PCDHGB7: variants seen among roughly 807,000 people sequenced by gnomAD.
PCDHGB7 encodes the protein protocadherin gamma-B7.
In PCDHGB7, 37 loss-of-function variants were observed where a neutral mutation model predicts 61.4. The observed-to-expected ratio is 0.60, with a 90% confidence interval of 0.46 to 0.79. PCDHGB7 has a LOEUF of 0.79. Among genes scored for constraint, PCDHGB7 ranks in the 30% least tolerant of loss-of-function variants. The pLI is 0.00. For missense variants in PCDHGB7, 1,166 were observed against 1,202.5 expected (o/e 0.97, Z 0.45); for synonymous variants, 464 against 503.5 (o/e 0.92, Z 1.05).
chr5:141,439,965 T>C (rs1212358198), intron 1 of PCDHGB7: 1 of 152,760 alleles, frequency 6.5e-6, no homozygotes, highest in Non-Finnish European at 1.5e-5. Flanking sequence ...CGTTATTCAG[T>C]CCTAGAGGAG....
intron 2 of PCDHGB7, among the ~76,000 whole-genome samples, 177 bp from the exon 3 acceptor site, chr5:141,505,216 T>C (rs547855353): frequency 1.1e-4 from 17 of 152,234 alleles, no homozygotes; most frequent in Non-Finnish European, 2.9e-5. Context: ...AGGGACTGAC[T>C]TGTGGGATTC....
rs756144117 is a variant in PCDHGB7, at chr5:141,485,181, G to A, written c.2416-9626G>A. On this transcript the variant is annotated intron_variant, in intron 1 of 3. Transcript: ENST00000398594. This position sits in a 1 kb window ranked among gnomAD's most constrained non-coding sequence, Gnocchi z 5.7. ...AATTAGCGGGCGGCAGCAATGCTCC[G>A]CAAGGTGAGAAGCTGGACAGAAATC... 3.1e-6 allele frequency: 5 copies of A among 1,612,942 alleles called. No individual in the cohort carries two copies. The South Asian group carries it at 4.4e-5, about 14-fold the overall frequency.
chr5:141,438,627 TATATATATACACACAC>T (rs1396288881), intron 1 of PCDHGB7, among the ~76,000 whole-genome samples: 69 of 48,002 alleles, frequency 1.4e-3, no homozygotes, highest in Admixed American at 2.8e-3. Flanking sequence ...TATATATATA[TATATATATACACACAC>T]ACACACACAT....
At chr5:141,422,420 C>A in intron 1 of PCDHGB7, 2 of 1,607,576 alleles carry the variant, frequency 1.2e-6, no homozygotes, top group Non-Finnish European at 1.7e-6. Context: ...TTAGAAAAGA[C>A]TTATGGAAAT....
At chr5:141,470,038 A>C (rs1256439782) in intron 1 of PCDHGB7, among the ~76,000 whole-genome samples, 1 of 152,204 alleles carries the variant, frequency 6.6e-6, no homozygotes, top group Non-Finnish European at 1.5e-5. Flanking sequence ...CTGAGGCGCG[A>C]GAACTGTTTG....
Position 141,491,401 on chromosome 5 carries a change from G to A in PCDHGB7, c.2416-3406G>A. The A allele has an allele frequency of 6.2e-7, 1 of 1,614,100 alleles. No homozygotes were observed. ...GTCAGCGAAGTGCCTTCAGGGAAAC[G>A]CAGACGGGGACGGGGGTGGAGGGCA... On this transcript the variant is annotated intron_variant, in intron 1 of 3. Transcript: ENST00000398594. This position sits in a 1 kb window ranked among gnomAD's most constrained non-coding sequence, Gnocchi z 6.9.
At chr5:141,441,635 G>T in intron 1 of PCDHGB7, 1 of 226,720 alleles carries the variant, frequency 4.4e-6, no homozygotes, top group Non-Finnish European at 8.9e-6. Flanking sequence ...TGGAGCCACA[G>T]GCGCTGTGAT....
chr5:141,478,642 T>A (rs777741719), intron 1 of PCDHGB7: 1 of 1,552,350 alleles, frequency 6.4e-7, no homozygotes, highest in South Asian at 1.2e-5. Context: ...GTGATGAAGA[T>A]GTTTTCCTGG....
intron 1 of PCDHGB7, chr5:141,422,304 A>G: frequency 6.5e-7 from 1 of 1,548,524 alleles, no homozygotes; most frequent in Non-Finnish European, 8.7e-7. Context: ...CAATTCTGGA[A>G]AACTCTCCTC....
In PCDHGB7 at chr5:141,419,681, G is replaced by T. The variant is rs377117997; in HGVS notation, c.1822G>T (p.Val608Leu). Residue 608 changes from valine (V) to leucine (L), a missense_variant, in exon 1 of 4, where the codon GTG becomes TTG. Val to Leu is a conservative substitution (Grantham distance 32, BLOSUM62 1). Coordinates refer to ENST00000398594, the MANE Select transcript of PCDHGB7 (RefSeq NM_018927.4). Reference sequence around the variant, plus strand: ...GCACAATGCCTGGCTGTCCTACCACGTGGTGCAGGCCAGTGAGCCCGGGCT... The same window carrying T: ...GCACAATGCCTGGCTGTCCTACCACTTGGTGCAGGCCAGTGAGCCCGGGCT... Reference protein sequence around the residue: ...SGHNAWLSYHVVQASEPGLFS... With the variant: ...SGHNAWLSYHLVQASEPGLFS... 89 of 1,612,904 alleles carry T rather than the reference G, an allele frequency of 5.5e-5. No homozygotes were observed. Among genetic ancestry groups the T allele is most frequent in the Non-Finnish European group, 7.0e-5 (82 of 1,179,706 alleles).
At position 141,419,361 on chromosome 5, in the gene PCDHGB7, T is replaced by C; in HGVS notation, c.1502T>C (p.Leu501Pro). Residue 501 changes from leucine to proline, a missense_variant, in exon 1 of 4, where the codon CTG becomes CCG. By Grantham distance (98) the Leu-to-Pro change is moderately conservative (BLOSUM62 -3). Coordinates refer to ENST00000398594, the MANE Select transcript of PCDHGB7 (RefSeq NM_018927.4). ...GCCAGCGACCTGGAGTCACGAACGC[T>C]GTCGTCCTACGTGTCCGTGAGCGCG... Reference protein sequence around the residue: ...LIASDLESRTLSSYVSVSAQS... With the variant: ...LIASDLESRTPSSYVSVSAQS... 6.2e-7 allele frequency: 1 copy of C among 1,613,794 alleles called. No individual in the cohort carries two copies. Among genetic ancestry groups the C allele is most frequent in the Non-Finnish European group, 8.5e-7 (1 of 1,179,898 alleles).
intron 1 of PCDHGB7, among the ~76,000 whole-genome samples, chr5:141,438,579 CATACATACATACAT>C (rs1434774868): frequency 9.0e-5 from 5 of 55,782 alleles, no homozygotes; most frequent in Admixed American, 2.8e-4. Context: ...GATATACATA[CATACATACATACAT>C]ATATATATAT....
chr5:141,486,803 C>T lies in PCDHGB7; in HGVS notation c.2416-8004C>T. 1 of 1,614,228 alleles carries T rather than the reference C, an allele frequency of 6.2e-7. No homozygotes were observed. Among genetic ancestry groups the T allele is most frequent in the South Asian group, 1.1e-5 (1 of 91,084 alleles). ...GCAGGCCCGGGATCGGGGCAACCCACCCCTTAGCAGCACTGTAACAGTTCG... is the reference window on the plus strand; with the variant it reads ...GCAGGCCCGGGATCGGGGCAACCCATCCCTTAGCAGCACTGTAACAGTTCG... On this transcript the variant is annotated intron_variant, in intron 1 of 3. Coordinates refer to ENST00000398594, the MANE Select transcript of PCDHGB7 (RefSeq NM_018927.4). The surrounding 1 kb of genome is among the most constrained non-coding windows in gnomAD (Gnocchi z 5.0).
In PCDHGB7 at chr5:141,476,836, T is replaced by C. The variant is rs772607917; in HGVS notation, c.2416-17971T>C. On this transcript the variant is annotated intron_variant, in intron 1 of 3. Coordinates refer to ENST00000398594, the MANE Select transcript of PCDHGB7 (RefSeq NM_018927.4). The surrounding 1 kb of genome is among the most constrained non-coding windows in gnomAD (Gnocchi z 7.6). ...TCAAGGTGCTGGACGCGAATGACAATGCGCCTGTCTTCAACCAGTCCTTGT... is the reference window on the plus strand; with the variant it reads ...TCAAGGTGCTGGACGCGAATGACAACGCGCCTGTCTTCAACCAGTCCTTGT... 1.9e-6 allele frequency: 3 copies of C among 1,613,652 alleles called. 1 individual carries two copies. The highest frequency in any genetic ancestry group is 2.2e-5 in the East Asian group (1 of 44,852).
chr5:141,466,885 G>A (rs997982577), intron 1 of PCDHGB7, among the ~76,000 whole-genome samples: 3 of 151,938 alleles, frequency 2.0e-5, no homozygotes, highest in Non-Finnish European at 4.4e-5. Context: ...TTCATAATAT[G>A]CATTTTCCAT....
chr5:141,429,377 GTT>G (rs566693637), intron 1 of PCDHGB7, among the ~76,000 whole-genome samples: 7 of 149,436 alleles, frequency 4.7e-5, no homozygotes, highest in African/African-American at 1.7e-4. Flanking sequence ...GAGAAAATGT[GTT>G]TTTTTTTTAA....
Position 141,432,403 on chromosome 5 carries a change from G to A in PCDHGB7, c.2415+12129G>A, listed in dbSNP as rs1279890312. The A allele has an allele frequency of 6.2e-7, 1 of 1,614,242 alleles. No homozygotes were observed. The highest frequency in any genetic ancestry group is 8.5e-7 in the Non-Finnish European group (1 of 1,180,052). On this transcript the variant is annotated intron_variant, in intron 1 of 3. Coordinates refer to ENST00000398594, the MANE Select transcript of PCDHGB7 (RefSeq NM_018927.4). The surrounding 1 kb of genome is among the most constrained non-coding windows in gnomAD (Gnocchi z 6.0). ...CGCCCCTCAGCAGCAACGTGTCGTT[G>A]AGCCTGTTCGTGCTGGACCAGAACG...
chr5:141,504,242 GTTC>G (rs903218038), intron 2 of PCDHGB7, among the ~76,000 whole-genome samples: 25 of 152,170 alleles, frequency 1.6e-4, no homozygotes, highest in African/African-American at 5.1e-4. Context: ...GAAGCAGAGA[GTTC>G]TTCTTATGGT....
Position 141,485,618 on chromosome 5 carries a change from G to A in PCDHGB7, c.2416-9189G>A, listed in dbSNP as rs2099616729. 2.5e-6 allele frequency: 4 copies of A among 1,612,092 alleles called. No individual in the cohort carries two copies. Among genetic ancestry groups the A allele is most frequent in the Non-Finnish European group, 3.4e-6 (4 of 1,178,672 alleles). On this transcript the variant is annotated intron_variant, in intron 1 of 3. Coordinates refer to ENST00000398594, the MANE Select transcript of PCDHGB7 (RefSeq NM_018927.4). This position sits in a 1 kb window ranked among gnomAD's most constrained non-coding sequence, Gnocchi z 5.7. The stretch of plus-strand genomic sequence containing the variant: ...GGAAATTGGGGAGGCAGCTCCTCCA[G>A]GACAGCGTTTCCCGTTGGAAAAGGC...
Sources: allele counts gnomAD v4.1 joint callset (sites outside exome capture counted in the v4.1 genomes callset), GRCh38; gene constraint gnomAD v4.1.1; non-coding constraint Gnocchi (gnomAD v3.1); transcripts MANE v1.5; gene names NCBI Gene and HGNC (gene_info 2026-07-23, HGNC 2026-07-21).